Variants in CCDC150 observed in about 807,000 individuals in gnomAD.
The protein encoded by CCDC150 is coiled-coil domain-containing protein 150.
In CCDC150, 151 loss-of-function variants were observed where a neutral mutation model predicts 156.5. That is an observed-to-expected ratio of 0.97 (90% CI 0.85 to 1.10). The LOEUF is 1.10. Ranked by LOEUF, CCDC150 falls within the 50% of genes least tolerant of loss-of-function variation. The pLI, the probability that CCDC150 is intolerant of heterozygous loss-of-function variation, is 0.00. For missense variants in CCDC150, 1,312 were observed against 1,268.1 expected (o/e 1.03, Z -0.53); for synonymous variants, 452 against 429.4 (o/e 1.05, Z -0.65).
At chr2:196,672,746 A>G (rs1321352832) in intron 9 of CCDC150, among the ~76,000 whole-genome samples, 3 of 152,152 alleles carry the variant, frequency 2.0e-5, no homozygotes, top group African/African-American at 7.2e-5. Context: ...TCCAAAGTGA[A>G]CTTCTGAATA....
At chr2:196,690,554 T>C (rs6717818) in intron 13 of CCDC150, among the ~76,000 whole-genome samples, 1,719 of 152,092 alleles carry the variant, frequency 0.011, 31 homozygotes, top group African/African-American at 0.039. Flanking sequence ...TGGTTCTAGA[T>C]AAGCTGATAA....
chr2:196,671,523 G>A (rs1353972433), intron 8 of CCDC150, among the ~76,000 whole-genome samples: 1 of 150,820 alleles, frequency 6.6e-6, no homozygotes, highest in Non-Finnish European at 1.5e-5. Context: ...CACCTCCTGG[G>A]TTCAAGCGAT....
Position 196,720,666 on chromosome 2 carries a change from G to A in CCDC150, c.2257G>A (p.Glu753Lys). 5 of 1,613,160 alleles carry A rather than the reference G, an allele frequency of 3.1e-6. No homozygotes were observed. Among genetic ancestry groups the A allele is most frequent in the Non-Finnish European group, 4.2e-6 (5 of 1,179,358 alleles). Reference sequence around the variant, plus strand: ...TGTCATGGAGGACCAGCACAACAGTGAGGTTGGAGCCAGGCTTTAAAAAAT... The same window carrying A: ...TGTCATGGAGGACCAGCACAACAGTAAGGTTGGAGCCAGGCTTTAAAAAAT... ...MLVMEDQHNS[E>K]IESLQKALGV... The change falls in exon 20 of 28, where the codon GAG (glutamate) becomes AAG (lysine). Residue 753 changes from glutamate (E) to lysine (K), a missense_variant and splice_region_variant. Glu to Lys is a moderately conservative substitution (Grantham distance 56). Coordinates refer to ENST00000389175, the MANE Select transcript of CCDC150 (RefSeq NM_001080539.2).
intron 13 of CCDC150, among the ~76,000 whole-genome samples, 199 bp downstream of exon 13, chr2:196,677,560 A>C (rs1694587339): frequency 6.6e-6 from 1 of 152,190 alleles, no homozygotes. Flanking sequence ...CTTGTTGAGC[A>C]TCTGATGTTT....
intron 7 of CCDC150, chr2:196,667,101 G>C: frequency 2.1e-6 from 1 of 482,880 alleles, no homozygotes; most frequent in Non-Finnish European, 3.7e-6. Flanking sequence ...GTGGACCTGG[G>C]AATATTTGGT....
intron 7 of CCDC150, 58 bp from the exon 8 acceptor site, chr2:196,669,775 T>C (rs1575795959): frequency 5.3e-6 from 6 of 1,141,140 alleles, no homozygotes; most frequent in Non-Finnish European, 7.9e-6. Context: ...CTTCTCACTA[T>C]GTGATTTTAA....
At chr2:196,679,231 C>T (rs1174215208) in intron 13 of CCDC150, among the ~76,000 whole-genome samples, 1 of 152,070 alleles carries the variant, frequency 6.6e-6, no homozygotes, top group Non-Finnish European at 1.5e-5. Context: ...AATTTTGACA[C>T]ATAAAATCAT....
chr2:196,640,399 G>A (rs1692142676), intron 1 of CCDC150, among the ~76,000 whole-genome samples: 1 of 152,040 alleles, frequency 6.6e-6, no homozygotes, highest in Admixed American at 6.5e-5. Flanking sequence ...TGTTAATCTT[G>A]GCGTGCTCAG....
chr2:196,674,829 A>G (rs942229855), intron 10 of CCDC150, among the ~76,000 whole-genome samples: 2 of 152,160 alleles, frequency 1.3e-5, no homozygotes, highest in African/African-American at 2.4e-5. Context: ...GGGACACTAA[A>G]CAGACCACCA....
At chr2:196,659,507 A>C (rs1693428080) in intron 5 of CCDC150, among the ~76,000 whole-genome samples, 1 of 152,190 alleles carries the variant, frequency 6.6e-6, no homozygotes, top group Non-Finnish European at 1.5e-5. Context: ...TTTTAGGAAA[A>C]TTCTTATGCA....
At position 196,657,052 on chromosome 2, in the gene CCDC150, G is replaced by A. The variant is rs756750979; in HGVS notation, c.492G>A (p.Leu164=). ...HLEVMNLRQQ[L]RAVKEEEDKA... ...AAGTTATGAATTTGCGCCAGCAACT[G>A]AGAGCTGTAAAAGAGGAAGAAGACA... Residue 164 remains leucine, a synonymous_variant, in exon 4 of 28, where the codon CTG becomes CTA. Transcript: ENST00000389175. The A allele has an allele frequency of 6.2e-6, 10 of 1,613,698 alleles. No individual in the cohort carries two copies. The highest frequency in any genetic ancestry group is 1.3e-5 in the African/African-American group (1 of 74,908).
intron 13 of CCDC150, among the ~76,000 whole-genome samples, chr2:196,692,937 T>C (rs1015946364): frequency 1.3e-5 from 2 of 152,180 alleles, no homozygotes; most frequent in Non-Finnish European, 2.9e-5. Flanking sequence ...CCCACTGTTA[T>C]TGTGTGGGAG....
At chr2:196,653,276 A>G (rs1332708381) in intron 2 of CCDC150, among the ~76,000 whole-genome samples, 20 of 152,092 alleles carry the variant, frequency 1.3e-4, no homozygotes, top group Admixed American at 1.3e-3. Flanking sequence ...TTTATACTGT[A>G]CTTCTCTTTT....
chr2:196,695,067 C>G lies in CCDC150; in HGVS notation c.1531C>G (p.His511Asp), dbSNP rs74600676. Residue 511 changes from histidine (H) to aspartate (D), a missense_variant, in exon 14 of 28, where the codon CAT becomes GAT. By Grantham distance (81) the His-to-Asp change is moderately conservative. Coordinates refer to ENST00000389175, the MANE Select transcript of CCDC150 (RefSeq NM_001080539.2). Reference sequence around the variant, plus strand: ...AAAGGTAGACATAAATACATTAACTCATAACCTGCAGACTCTTGAAGAAGA... The same window carrying G: ...AAAGGTAGACATAAATACATTAACTGATAACCTGCAGACTCTTGAAGAAGA... ...KNKVDINTLT[H>D]NLQTLEEENK... is the part of the protein sequence containing the mutation. 4.4e-6 allele frequency: 7 copies of G among 1,604,522 alleles called. No homozygotes were observed. Among genetic ancestry groups the G allele is most frequent in the Non-Finnish European group, 6.0e-6 (7 of 1,173,850 alleles).
In CCDC150 at chr2:196,666,800, A is replaced by C; in HGVS notation, c.844A>C (p.Lys282Gln). 1.2e-6 allele frequency: 2 copies of C among 1,613,814 alleles called. No individual in the cohort carries two copies. Among genetic ancestry groups the C allele is most frequent in the Non-Finnish European group, 1.7e-6 (2 of 1,179,762 alleles). ...AGAACTACTGGCCCAGGAACAAAAA[A>C]AAAAAGAAGAGTTGGAGATTGCTAC... ...AQELLAQEQK[K>Q]KEELEIATSQ... Residue 282 changes from lysine to glutamine, a missense_variant, in exon 7 of 28, where the codon AAA (lysine) becomes CAA (glutamine). Coordinates refer to ENST00000389175, the MANE Select transcript of CCDC150 (RefSeq NM_001080539.2).
chr2:196,707,298 G>A (rs565995755), intron 15 of CCDC150, among the ~76,000 whole-genome samples: 2 of 152,088 alleles, frequency 1.3e-5, no homozygotes, highest in East Asian at 3.8e-4. Flanking sequence ...TTTGTGTAGA[G>A]GTGTTTATAG....
chr2:196,722,372 C>T (rs947195756), intron 21 of CCDC150, among the ~76,000 whole-genome samples: 7 of 151,926 alleles, frequency 4.6e-5, no homozygotes, highest in Non-Finnish European at 1.5e-5. Flanking sequence ...ACTTCCTGGG[C>T]TCATGCAGTT....
chr2:196,713,376 A>C, intron 17 of CCDC150: 1 of 1,480,204 alleles, frequency 6.8e-7, no homozygotes, highest in South Asian at 1.4e-5. Context: ...AGAAAAAGGA[A>C]ATCCCCAGAG....
intron 1 of CCDC150, among the ~76,000 whole-genome samples, chr2:196,640,122 G>C (rs1442509477): frequency 1.2e-4 from 19 of 152,146 alleles, no homozygotes; most frequent in Admixed American, 1.2e-3. Context: ...TTTGCCACCA[G>C]TTAATCCTCC....
Sources: allele counts gnomAD v4.1 joint callset (sites outside exome capture counted in the v4.1 genomes callset), GRCh38; gene constraint gnomAD v4.1.1; transcripts MANE v1.5; gene names NCBI Gene and HGNC (gene_info 2026-07-23, HGNC 2026-07-21).